The following TRPM7 variants were observed in gnomAD, a reference collection of about 807,000 sequenced individuals.
TRPM7 encodes the protein transient receptor potential cation channel subfamily M member 7, also known as LTRPC ion channel family member 7.
TRPM7 carries 134 observed loss-of-function variants against 229.7 expected under a neutral mutation model. The ratio of observed to expected loss-of-function variants is 0.58; its 90% CI spans 0.51 to 0.67. The LOEUF is 0.67. TRPM7 is among the 30% of genes least tolerant of loss of function. The pLI is 0.00. For synonymous variants in TRPM7, 699 were observed against 715.2 expected (o/e 0.98, Z 0.36); for missense variants, 1,901 against 2,210.0 (o/e 0.86, Z 2.80).
chr15:50,566,145 TA>T (rs200999283), intron 38 of TRPM7, among the ~76,000 whole-genome samples: 164 of 151,876 alleles, frequency 1.1e-3, no homozygotes, highest in African/African-American at 3.8e-3. Flanking sequence ...GTACTTCAAT[TA>T]AAAAAAATTT....
At chr15:50,587,736 TAAAGAA>T in intron 27 of TRPM7, among the ~76,000 whole-genome samples, 1 of 152,274 alleles carries the variant, frequency 6.6e-6, no homozygotes, top group African/African-American at 2.4e-5. Flanking sequence ...ATAATTTGTG[TAAAGAA>T]AAAGAAAATG....
In TRPM7 at chr15:50,574,946, C is replaced by T; in HGVS notation, c.4925G>A (p.Gly1642Glu). The T allele has an allele frequency of 6.2e-7, 1 of 1,613,992 alleles. No homozygotes were observed. The highest frequency in any genetic ancestry group is 8.5e-7 in the Non-Finnish European group (1 of 1,179,950). ...TWSEHDILKS[G>E]HLYIIKSFLP... Reference sequence around the variant, plus strand: ...AAAAGATTTGATAATATAAAGATGCCCTGATTTGAGGATATCATGTTCTGA... The same window carrying T: ...AAAAGATTTGATAATATAAAGATGCTCTGATTTGAGGATATCATGTTCTGA... Residue 1642 changes from glycine (G) to glutamate (E), a missense_variant, in exon 34 of 39, where the codon GGG (glycine) becomes GAG (glutamate). This residue lies in a region of TRPM7 where 257 missense variants were observed against 352.0 expected (regional missense o/e 0.73). Transcript: ENST00000646667.
At chr15:50,657,942 T>C in intron 2 of TRPM7, 123 bp from the exon 3 acceptor site, 1 of 657,478 alleles carries the variant, frequency 1.5e-6, no homozygotes, top group South Asian at 2.2e-5. Context: ...TTTCAGTAGA[T>C]ATTATAGTTC....
chr15:50,684,296 C>A (rs959677821), intron 1 of TRPM7, among the ~76,000 whole-genome samples: 14 of 151,934 alleles, frequency 9.2e-5, no homozygotes, highest in African/African-American at 2.4e-4. Flanking sequence ...AGGATTACCA[C>A]GCCCGATTAC....
intron 38 of TRPM7, among the ~76,000 whole-genome samples, chr15:50,564,387 T>G (rs1021164612): frequency 6.6e-6 from 1 of 151,616 alleles, no homozygotes; most frequent in African/African-American, 2.4e-5. Context: ...TCAGACAGAT[T>G]TGCTATGATA....
intron 38 of TRPM7, among the ~76,000 whole-genome samples, chr15:50,568,374 A>C (rs944979243): frequency 6.6e-6 from 1 of 152,138 alleles, no homozygotes; most frequent in Non-Finnish European, 1.5e-5. Flanking sequence ...TACAAAAAAA[A>C]TCCTGAGAAG....
At chr15:50,597,634 G>T (rs2140393567) in intron 22 of TRPM7, among the ~76,000 whole-genome samples, 1 of 152,328 alleles carries the variant, frequency 6.6e-6, no homozygotes, top group African/African-American at 2.4e-5. Context: ...CAGACAGCCA[G>T]GCGTGATGGC....
intron 12 of TRPM7, among the ~76,000 whole-genome samples, chr15:50,621,976 G>A (rs765505494): frequency 6.4e-4 from 97 of 152,092 alleles, no homozygotes; most frequent in East Asian, 3.9e-4. Context: ...GTCGCATTGA[G>A]CCAAGATTGT....
chr15:50,586,833 A>G (rs1448015181), intron 27 of TRPM7, among the ~76,000 whole-genome samples: 1 of 152,172 alleles, frequency 6.6e-6, no homozygotes, highest in Non-Finnish European at 1.5e-5. Context: ...CTTGGCCAAC[A>G]TGGTGAAACC....
rs2059711864 is a variant in TRPM7 at position 50,599,201 on chromosome 15, T to C, written c.3084A>G (p.Pro1028=). The change falls in exon 22 of 39, where the codon CCA becomes CCG. Residue 1028 remains proline (P), a synonymous_variant. Transcript: ENST00000646667. ...CTATATCTTTAGCAAGAGTCCAAGA[T>C]GGTGCTTCATGAGGATAAAGTATTG... ...RKAILYPHEA[P]SWTLAKDIVF... is the part of the protein sequence containing the mutation. The C allele has an allele frequency of 1.9e-6, 3 of 1,613,536 alleles. No individual in the cohort carries two copies. The highest frequency in any genetic ancestry group is 1.3e-5 in the African/African-American group (1 of 75,032).
chr15:50,641,618 A>G (rs2061103250), intron 5 of TRPM7, among the ~76,000 whole-genome samples: 1 of 152,064 alleles, frequency 6.6e-6, no homozygotes, highest in African/African-American at 2.4e-5. Flanking sequence ...TATCTCCCCC[A>G]CTAGAAGTTC....
At chr15:50,610,966 T>C (rs989606007) in intron 17 of TRPM7, 127 bp downstream of exon 17, 2 of 704,264 alleles carry the variant, frequency 2.8e-6, no homozygotes, top group East Asian at 2.7e-5. Context: ...CAATCATCCA[T>C]CTTGCTCCCT....
chr15:50,607,425 T>G (rs1180447446), intron 19 of TRPM7, 97 bp from the exon 20 acceptor site: 1 of 1,010,958 alleles, frequency 9.9e-7, no homozygotes, highest in East Asian at 2.6e-5. Context: ...AGACATTAAA[T>G]GAACCTCTGT....
At chr15:50,650,410 A>C (rs908886394) in intron 3 of TRPM7, among the ~76,000 whole-genome samples, 15 of 151,906 alleles carry the variant, frequency 9.9e-5, no homozygotes, top group Admixed American at 6.6e-5. Flanking sequence ...TTAGACCTAG[A>C]CAGACCAGGC....
chr15:50,596,754 CTT>C (rs751223322), intron 22 of TRPM7, among the ~76,000 whole-genome samples: 22 of 151,580 alleles, frequency 1.5e-4, no homozygotes, highest in Non-Finnish European at 2.8e-4. Flanking sequence ...AATGTCCAAA[CTT>C]TTTTTTTCCC....
intron 31 of TRPM7, among the ~76,000 whole-genome samples, chr15:50,577,016 G>A (rs2054166353): frequency 6.6e-6 from 1 of 152,108 alleles, no homozygotes; most frequent in Admixed American, 6.5e-5. Context: ...GAAGGCAGAG[G>A]TGGGAGGAAT....
At chr15:50,623,140 GCAGTGGCTCACGCCTGTAAT>G (rs950824205) in intron 12 of TRPM7, among the ~76,000 whole-genome samples, 8 of 152,034 alleles carry the variant, frequency 5.3e-5, no homozygotes, top group Non-Finnish European at 1.2e-4. Context: ...TTGGCCGGGT[GCAGTGGCTCACGCCTGTAAT>G]CCCAGTGCTT....
chr15:50,615,209 A>T (rs537304585), intron 13 of TRPM7, among the ~76,000 whole-genome samples: 1 of 151,120 alleles, frequency 6.6e-6, no homozygotes, highest in African/African-American at 2.4e-5. Flanking sequence ...GGAAATGCTA[A>T]TCAGCCAAAT....
intron 1 of TRPM7, among the ~76,000 whole-genome samples, chr15:50,665,098 A>G (rs950173497): frequency 5.9e-5 from 9 of 152,156 alleles, no homozygotes; most frequent in African/African-American, 1.9e-4. Context: ...AGCACACATG[A>G]GGCATTTATA....
Sources: allele counts gnomAD v4.1 joint callset (sites outside exome capture counted in the v4.1 genomes callset), GRCh38; gene constraint gnomAD v4.1.1; regional missense constraint gnomAD v4.1.1; transcripts MANE v1.5; gene names NCBI Gene and HGNC (gene_info 2026-07-23, HGNC 2026-07-21).